Variants in SPAG17 observed in about 807,000 individuals in gnomAD.
The protein encoded by SPAG17 is sperm associated antigen 17, also known as sperm-associated antigen 17.
A neutral mutation model predicts 273.6 loss-of-function variants in SPAG17; 169 were observed. That is an observed-to-expected ratio of 0.62 (90% CI 0.55 to 0.70). SPAG17 has a LOEUF of 0.70. Ranked by LOEUF, SPAG17 falls within the 30% of genes least tolerant of loss-of-function variation. SPAG17 has a pLI of 0.00. For synonymous variants in SPAG17, 825 were observed against 873.2 expected, an observed-to-expected ratio of 0.94 and a Z score of 0.97; for missense variants, 2,557 against 2,627.8, an observed-to-expected ratio of 0.97 and a Z score of 0.59.
chr1:118,161,689 C>CACCACA (rs1659927226), intron 1 of SPAG17, among the ~76,000 whole-genome samples: 2 of 152,202 alleles, frequency 1.3e-5, no homozygotes, highest in African/African-American at 4.8e-5. Flanking sequence ...AGGCGCCCGC[C>CACCACA]CCCACCTGGC....
intron 18 of SPAG17, among the ~76,000 whole-genome samples, chr1:118,065,760 G>A (rs1466739354): frequency 1.3e-5 from 2 of 151,842 alleles, no homozygotes; most frequent in South Asian, 4.1e-4. Context: ...AATGACCATT[G>A]AGAACTCATA....
At chr1:118,105,296 A>AC (rs1185386512) in intron 4 of SPAG17, among the ~76,000 whole-genome samples, 6 of 152,164 alleles carry the variant, frequency 3.9e-5, no homozygotes, top group Admixed American at 3.9e-4. Flanking sequence ...GAGCAAGCTT[A>AC]CCGAGGTAAT....
intron 3 of SPAG17, among the ~76,000 whole-genome samples, chr1:118,148,280 T>C (rs1338919608): frequency 1.3e-5 from 2 of 152,304 alleles, no homozygotes; most frequent in Non-Finnish European, 1.5e-5. Context: ...ATGAAGCCAC[T>C]GACTTCGTGG....
chr1:118,030,405 CT>C (rs945998923), intron 25 of SPAG17, among the ~76,000 whole-genome samples: 112 of 145,504 alleles, frequency 7.7e-4, no homozygotes, highest in Middle Eastern at 3.6e-3. Flanking sequence ...TTAGAACCTT[CT>C]TTTTTTTTTT....
intron 27 of SPAG17, among the ~76,000 whole-genome samples, chr1:118,024,819 T>C (rs149632172): frequency 3.3e-4 from 51 of 152,334 alleles, no homozygotes; most frequent in African/African-American, 1.2e-3. Flanking sequence ...CTCTTGTGTA[T>C]GTTTTAACTT....
At position 117,987,862 on chromosome 1, in the gene SPAG17, G is replaced by T; in HGVS notation, c.5641C>A (p.Arg1881Ser). The change falls in exon 40 of 49, where the codon CGC becomes AGC. Residue 1881 changes from arginine (R) to serine (S), a missense_variant. By Grantham distance (110) the Arg-to-Ser change is moderately radical. Coordinates refer to ENST00000336338, the MANE Select transcript of SPAG17 (RefSeq NM_206996.4). ...GTTTTGTCTATCTTTTCTTTCCAGC[G>T]TTTTGAGGATGCTGTGTGTCTATGT... ...KTWRHTASSK[R>S]WKEKIDKTRK... The T allele has an allele frequency of 6.2e-7, 1 of 1,613,806 alleles. No homozygotes were observed. Among genetic ancestry groups the T allele is most frequent in the Non-Finnish European group, 8.5e-7 (1 of 1,179,878 alleles).
chr1:118,066,247 T>C (rs149268877), intron 18 of SPAG17, among the ~76,000 whole-genome samples: 12 of 152,242 alleles, frequency 7.9e-5, no homozygotes, highest in African/African-American at 2.6e-4. Context: ...AACAAAGTTC[T>C]AAGAGAAAAA....
At chr1:118,107,606 T>C (rs1021081504) in intron 4 of SPAG17, among the ~76,000 whole-genome samples, 5 of 152,148 alleles carry the variant, frequency 3.3e-5, no homozygotes, top group African/African-American at 1.2e-4. Context: ...GAAATCCTCC[T>C]ACCTCAGACT....
chr1:118,161,929 G>A (rs1659946753), intron 1 of SPAG17, among the ~76,000 whole-genome samples: 1 of 152,206 alleles, frequency 6.6e-6, no homozygotes, highest in African/African-American at 2.4e-5. Context: ...GGTGTATGTA[G>A]TCAAAGGCAA....
intron 4 of SPAG17, among the ~76,000 whole-genome samples, chr1:118,103,514 G>A (rs748757692): frequency 5.3e-5 from 8 of 152,164 alleles, no homozygotes; most frequent in Non-Finnish European, 1.2e-4. Flanking sequence ...AGGCAGCAAC[G>A]AGAGCACAGG....
chr1:118,168,484 A>G (rs968465996), intron 1 of SPAG17, among the ~76,000 whole-genome samples: 3 of 152,188 alleles, frequency 2.0e-5, no homozygotes, highest in African/African-American at 4.8e-5. Flanking sequence ...TCAAAAAAGA[A>G]AACAGGCCAT....
intron 17 of SPAG17, among the ~76,000 whole-genome samples, chr1:118,067,975 A>G (rs1471939477): frequency 6.6e-6 from 1 of 152,180 alleles, no homozygotes; most frequent in Non-Finnish European, 1.5e-5. Context: ...GTAGAGAGAC[A>G]CAGTGGGCAG....
rs184619449 is a variant in SPAG17 at position 118,036,132 on chromosome 1, G to A, written c.3433+638C>T. On this transcript the variant is annotated intron_variant, in intron 24 of 48. Transcript: ENST00000336338. The stretch of plus-strand genomic sequence containing the variant: ...GAGCTCAGGAGTTTGAGGCTGCTGT[G>A]AGGCATGATTGTGCCACTGCACTCC... 5.9e-5 allele frequency among the ~76,000 whole-genome samples: 9 copies of A among 152,232 alleles called. No individual in the cohort carries two copies. The East Asian group carries it at 1.5e-3, about 26-fold the overall frequency.
intron 15 of SPAG17, among the ~76,000 whole-genome samples, chr1:118,075,034 G>A (rs545538128): frequency 6.6e-6 from 1 of 152,186 alleles, no homozygotes; most frequent in Admixed American, 6.5e-5. Flanking sequence ...AGACTAGGGT[G>A]GGGGCAGGCC....
intron 1 of SPAG17, among the ~76,000 whole-genome samples, chr1:118,177,503 G>T (rs1055970005): frequency 1.3e-5 from 2 of 152,064 alleles, no homozygotes; most frequent in Non-Finnish European, 2.9e-5. Context: ...AACCATATCA[G>T]TCATGCATCT....
In SPAG17 at chr1:117,960,502, CTG is replaced by C. The variant is rs1365087348; in HGVS notation, c.*3295_*3296del. 3 of 152,362 alleles carry C rather than the reference CTG, an allele frequency of 2.0e-5. No individual in the cohort carries two copies. The East Asian group carries it at 5.8e-4, about 29-fold the overall frequency. 9.4% of individuals were successfully genotyped at this position (152,362 alleles called of 1,614,324 possible). A position where few individuals can be genotyped will look rare whatever the true frequency, so the allele number is the denominator to read the frequency against. On this transcript the variant is annotated intron_variant, in intron 48 of 48. Transcript: ENST00000336338. ...GGCAACCACAGCCGCAGACCTCAAT[CTG>C]TGGTACTTATCAAGCATCAGCTTTT...
At chr1:117,995,546 T>A (rs1657556161) in intron 34 of SPAG17, among the ~76,000 whole-genome samples, 1 of 151,680 alleles carries the variant, frequency 6.6e-6, no homozygotes, top group Non-Finnish European at 1.5e-5. Context: ...TCAGTCAGAG[T>A]CCCCCATATT....
At chr1:117,973,275 T>C in intron 44 of SPAG17, 150 bp downstream of exon 44, 2 of 897,162 alleles carry the variant, frequency 2.2e-6, no homozygotes, top group East Asian at 2.6e-5. Flanking sequence ...ATACGGTCAA[T>C]AGCAGTACAC....
chr1:118,174,972 T>A (rs943442256), intron 1 of SPAG17, among the ~76,000 whole-genome samples: 1 of 152,106 alleles, frequency 6.6e-6, no homozygotes, highest in Non-Finnish European at 1.5e-5. Context: ...ATATAGCCAC[T>A]TGGCAGCAGA....
Sources: allele counts gnomAD v4.1 joint callset (sites outside exome capture counted in the v4.1 genomes callset), GRCh38; gene constraint gnomAD v4.1.1; transcripts MANE v1.5; gene names NCBI Gene and HGNC (gene_info 2026-07-23, HGNC 2026-07-21).